Variants in DNAAF11 observed in about 807,000 individuals in gnomAD.
The protein encoded by DNAAF11 is leucine rich repeat containing 6.
In DNAAF11, 45 loss-of-function variants were observed where a neutral mutation model predicts 60.8. That is an observed-to-expected ratio of 0.74 (90% CI 0.58 to 0.95). The LOEUF is 0.95. DNAAF11 is among the 40% of genes least tolerant of loss of function. DNAAF11 has a pLI of 0.00. For missense variants in DNAAF11, 546 were observed against 546.2 expected, an observed-to-expected ratio of 1.00 and a Z score of 0.00; for synonymous variants, 191 against 183.5, an observed-to-expected ratio of 1.04 and a Z score of -0.33.
At chr8:132,603,629 T>C (rs1586552187) in intron 10 of DNAAF11, among the ~76,000 whole-genome samples, 1 of 151,818 alleles carries the variant, frequency 6.6e-6, no homozygotes, top group South Asian at 2.1e-4. Context: ...TAATGCCTAA[T>C]TGGAGTTGAT....
intron 10 of DNAAF11, among the ~76,000 whole-genome samples, chr8:132,599,971 G>C (rs1817434894): frequency 6.6e-6 from 1 of 152,172 alleles, no homozygotes; most frequent in African/African-American, 2.4e-5. Flanking sequence ...TAGGAAAAGA[G>C]GAAGTCAAAT....
At chr8:132,650,725 T>C (rs1822925055) in intron 3 of DNAAF11, among the ~76,000 whole-genome samples, 1 of 152,190 alleles carries the variant, frequency 6.6e-6, no homozygotes, top group Non-Finnish European at 1.5e-5. Context: ...ATATTTGGGG[T>C]AATCTGACTT....
upstream of DNAAF11, among the ~76,000 whole-genome samples, chr8:132,678,848 A>G (rs1274956364): frequency 6.6e-6 from 1 of 152,096 alleles, no homozygotes; most frequent in East Asian, 1.9e-4. Flanking sequence ...ATATTTCACT[A>G]TAGAAGTAAC....
chr8:132,641,083 GAATGTCATCT>G (rs906587576), intron 3 of DNAAF11, among the ~76,000 whole-genome samples: 1 of 152,014 alleles, frequency 6.6e-6, no homozygotes, highest in African/African-American at 2.4e-5. Context: ...TCTTAAAGTA[GAATGTCATCT>G]AATAAATATA....
chr8:132,643,531 C>G (rs1326164320), intron 3 of DNAAF11: 1 of 407,748 alleles, frequency 2.5e-6, no homozygotes, highest in Non-Finnish European at 4.9e-6. Context: ...AAGACCAGTC[C>G]CCGTAAATGG....
chr8:132,594,127 T>TA (rs1220738732), intron 10 of DNAAF11, among the ~76,000 whole-genome samples: 2 of 152,168 alleles, frequency 1.3e-5, no homozygotes, highest in South Asian at 2.1e-4. Context: ...AGAAAATATT[T>TA]AAAAAATCAG....
At chr8:132,652,622 T>A (rs570231774) in intron 3 of DNAAF11, among the ~76,000 whole-genome samples, 2 of 151,998 alleles carry the variant, frequency 1.3e-5, no homozygotes, top group Admixed American at 1.3e-4. Context: ...TAAAAAAGGG[T>A]GAGTTCATGT....
intron 11 of DNAAF11, among the ~76,000 whole-genome samples, chr8:132,580,681 A>G (rs991846680): frequency 6.6e-6 from 1 of 152,254 alleles, no homozygotes; most frequent in Non-Finnish European, 1.5e-5. Context: ...GCTTATGGAA[A>G]AGTTACAAAC....
chr8:132,674,040 GAGCAGA>G (rs1230022316), intron 1 of DNAAF11, among the ~76,000 whole-genome samples: 1 of 150,854 alleles, frequency 6.6e-6, no homozygotes, highest in Non-Finnish European at 1.5e-5. Context: ...GGAGGAGCAG[GAGCAGA>G]AGGAGCAGGA....
At chr8:132,685,854 G>A in the DNAAF11 span, among the ~76,000 whole-genome samples, 1 of 152,176 alleles carries the variant, frequency 6.6e-6, no homozygotes, top group Non-Finnish European at 1.5e-5. Context: ...TGTAGTTAGT[G>A]TAAAGATTTC....
At chr8:132,668,831 T>G (rs1468251614) in intron 1 of DNAAF11, among the ~76,000 whole-genome samples, 1 of 152,202 alleles carries the variant, frequency 6.6e-6, no homozygotes, top group Admixed American at 6.5e-5. Flanking sequence ...GATGCACTTC[T>G]CAGGTCCCTC....
At chr8:132,589,378 T>C (rs995909002) in intron 10 of DNAAF11, among the ~76,000 whole-genome samples, 1 of 152,166 alleles carries the variant, frequency 6.6e-6, no homozygotes, top group Non-Finnish European at 1.5e-5. Context: ...TAAGTGGTGA[T>C]GAGAACTTTG....
chr8:132,655,279 A>C (rs1823430318), intron 3 of DNAAF11, among the ~76,000 whole-genome samples: 2 of 152,138 alleles, frequency 1.3e-5, no homozygotes, highest in African/African-American at 2.4e-5. Flanking sequence ...TCCCAAAGAA[A>C]AGTCCAGGAC....
At chr8:132,608,443 GA>G in intron 10 of DNAAF11, 1 of 435,688 alleles carries the variant, frequency 2.3e-6, no homozygotes, top group South Asian at 1.7e-5. Context: ...ATTTTCATGT[GA>G]AAAATTTAGA....
chr8:132,635,990 A>C (rs1380229320), intron 4 of DNAAF11, among the ~76,000 whole-genome samples: 2 of 152,010 alleles, frequency 1.3e-5, no homozygotes, highest in Non-Finnish European at 2.9e-5. Context: ...GGAAGGAACC[A>C]GTCCCGTCAA....
intron 3 of DNAAF11, among the ~76,000 whole-genome samples, chr8:132,638,683 A>C (rs961273522): frequency 6.6e-6 from 1 of 152,210 alleles, no homozygotes; most frequent in Non-Finnish European, 1.5e-5. Flanking sequence ...TATTAACAAA[A>C]GTGAAGAATA....
chr8:132,572,831 C>T (rs915905016), intron 11 of DNAAF11, among the ~76,000 whole-genome samples: 1 of 152,160 alleles, frequency 6.6e-6, no homozygotes, highest in Non-Finnish European at 1.5e-5. Context: ...AGATCAATAA[C>T]TGAATCCTTC....
intron 10 of DNAAF11, among the ~76,000 whole-genome samples, chr8:132,603,155 T>C (rs557371475): frequency 6.6e-6 from 1 of 152,290 alleles, no homozygotes; most frequent in Admixed American, 6.5e-5. Flanking sequence ...ACTGGTACTA[T>C]TAAGATGTTT....
intron 4 of DNAAF11, among the ~76,000 whole-genome samples, chr8:132,634,124 T>C (rs1255213679): frequency 6.6e-6 from 1 of 151,982 alleles, no homozygotes; most frequent in Non-Finnish European, 1.5e-5. Context: ...AAGTCAAAAT[T>C]ATGTAGAGAT....
Sources: allele counts gnomAD v4.1 joint callset (sites outside exome capture counted in the v4.1 genomes callset), GRCh38; gene constraint gnomAD v4.1.1; transcripts MANE v1.5; gene names NCBI Gene and HGNC (gene_info 2026-07-23, HGNC 2026-07-21).